LUZP2: variants seen among roughly 807,000 people sequenced by gnomAD.
The protein encoded by LUZP2 is leucine zipper protein 2.
LUZP2 carries 52 observed loss-of-function variants against 51.6 expected under a neutral mutation model. That is an observed-to-expected ratio of 1.01 (90% CI 0.81 to 1.27). The LOEUF (loss-of-function observed/expected upper bound fraction) is 1.27. Among genes scored for constraint, LUZP2 ranks in the 50% most tolerant of loss-of-function variants. LUZP2 has a pLI of 0.00. For missense variants in LUZP2, 436 were observed against 395.4 expected (o/e 1.10, Z -0.87); for synonymous variants, 154 against 137.3 (o/e 1.12, Z -0.85).
intron 1 of LUZP2, among the ~76,000 whole-genome samples, chr11:24,505,526 T>C (rs1383733114): frequency 6.6e-6 from 1 of 152,146 alleles, no homozygotes; most frequent in East Asian, 1.9e-4. Context: ...CAGCTCACTA[T>C]ATCGACAGTC....
Position 24,944,617 on chromosome 11 carries a change from G to A in LUZP2, c.522+30079G>A, listed in dbSNP as rs201017894. On this transcript the variant is annotated intron_variant, in intron 7 of 11. Coordinates refer to ENST00000336930, the MANE Select transcript of LUZP2 (RefSeq NM_001009909.4). Reference sequence around the variant, plus strand: ...GGTTACTTAAGAAATATTTTGAAGAGAAGTTGAGATTTGAACTCAAGATTG... The same window carrying A: ...GGTTACTTAAGAAATATTTTGAAGAAAAGTTGAGATTTGAACTCAAGATTG... 4.6e-5 allele frequency among the ~76,000 whole-genome samples: 7 copies of A among 152,248 alleles called. No individual in the cohort carries two copies. In the East Asian group the frequency reaches 9.6e-4, roughly 21 times the overall value.
chr11:24,589,189 A>T (rs1404311542), intron 1 of LUZP2, among the ~76,000 whole-genome samples: 1 of 151,992 alleles, frequency 6.6e-6, no homozygotes, highest in African/African-American at 2.4e-5. Flanking sequence ...TCTCTAATTG[A>T]TCACCAAAGA....
At chr11:24,821,473 C>G (rs571260301) in intron 5 of LUZP2, among the ~76,000 whole-genome samples, 1 of 152,058 alleles carries the variant, frequency 6.6e-6, no homozygotes, top group Non-Finnish European at 1.5e-5. Flanking sequence ...TTACCGACTT[C>G]ATTGTAGTTT....
At chr11:24,718,026 C>T (rs184894690) in intron 1 of LUZP2, among the ~76,000 whole-genome samples, 13 of 152,228 alleles carry the variant, frequency 8.5e-5, no homozygotes, top group Non-Finnish European at 1.3e-4. Context: ...ATAATTTATT[C>T]AAAAGCTATT....
chr11:24,603,444 A>G (rs1853811887), intron 1 of LUZP2, among the ~76,000 whole-genome samples: 1 of 151,820 alleles, frequency 6.6e-6, no homozygotes. Flanking sequence ...TTTGAATATC[A>G]TCCAAGTGAG....
At chr11:24,526,742 A>AT (rs895857943) in intron 1 of LUZP2, among the ~76,000 whole-genome samples, 6 of 150,882 alleles carry the variant, frequency 4.0e-5, no homozygotes, top group South Asian at 2.1e-4. Context: ...TATACTTTTC[A>AT]TTTTTTCTGT....
intron 7 of LUZP2, 111 bp downstream of exon 7, chr11:24,914,649 G>A: frequency 1.5e-6 from 1 of 682,882 alleles, no homozygotes. Flanking sequence ...AATTGGAGTT[G>A]CATTTGACTG....
chr11:24,824,393 A>AAAAAAAAAAAAAAAAAAAG (rs1590597274), intron 5 of LUZP2, among the ~76,000 whole-genome samples: 1 of 143,668 alleles, frequency 7.0e-6, no homozygotes. Flanking sequence ...AAAAAAAAAA[A>AAAAAAAAAAAAAAAAAAAG]TGAGTGGTAC....
chr11:24,907,567 T>A (rs1853497156), intron 6 of LUZP2, among the ~76,000 whole-genome samples: 1 of 152,164 alleles, frequency 6.6e-6, no homozygotes, highest in Non-Finnish European at 1.5e-5. Context: ...GGAAATAGTA[T>A]AAATGTGGTT....
chr11:24,907,337 A>G (rs1285377973), intron 6 of LUZP2, among the ~76,000 whole-genome samples: 4 of 151,894 alleles, frequency 2.6e-5, no homozygotes, highest in Non-Finnish European at 5.9e-5. Context: ...ATACAAAATA[A>G]CATGCAATGT....
chr11:24,590,994 C>G (rs1260051808), intron 1 of LUZP2, among the ~76,000 whole-genome samples: 1 of 152,082 alleles, frequency 6.6e-6, no homozygotes, highest in Non-Finnish European at 1.5e-5. Flanking sequence ...ACCTGTACTC[C>G]CAGTGCTTTG....
chr11:24,615,119 T>A (rs1219581252), intron 1 of LUZP2, among the ~76,000 whole-genome samples: 2 of 151,988 alleles, frequency 1.3e-5, no homozygotes, highest in Non-Finnish European at 2.9e-5. Context: ...TTTGAGGTAA[T>A]TGTAAATATA....
At chr11:24,776,268 G>A (rs1489381251) in intron 5 of LUZP2, among the ~76,000 whole-genome samples, 1 of 152,158 alleles carries the variant, frequency 6.6e-6, no homozygotes, top group African/African-American at 2.4e-5. Flanking sequence ...AGAAACAATA[G>A]CCTATGGAGA....
intron 9 of LUZP2, among the ~76,000 whole-genome samples, chr11:25,010,772 G>A (rs771158145): frequency 7.2e-5 from 11 of 152,030 alleles, no homozygotes; most frequent in Admixed American, 1.3e-4. Context: ...ACTTGAACTC[G>A]GGAAGGGGAG....
At chr11:24,643,487 T>C (rs73434975) in intron 1 of LUZP2, among the ~76,000 whole-genome samples, 1 of 152,152 alleles carries the variant, frequency 6.6e-6, no homozygotes, top group Non-Finnish European at 1.5e-5. Flanking sequence ...ACTTACCCCA[T>C]GTAACTATTG....
At chr11:25,076,833 G>A (rs1590903676) in intron 10 of LUZP2, among the ~76,000 whole-genome samples, 2 of 149,086 alleles carry the variant, frequency 1.3e-5, no homozygotes, top group African/African-American at 5.0e-5. Flanking sequence ...ATTCTGGCCA[G>A]TAAAATGACT....
chr11:24,863,603 G>A (rs371868495), intron 5 of LUZP2, among the ~76,000 whole-genome samples: 16 of 151,992 alleles, frequency 1.1e-4, no homozygotes, highest in South Asian at 4.2e-4. Context: ...GGGGGGAAGC[G>A]GTGATAGAAC....
chr11:24,978,128 G>A (rs1401267690), intron 8 of LUZP2, among the ~76,000 whole-genome samples: 1 of 151,558 alleles, frequency 6.6e-6, no homozygotes, highest in South Asian at 2.1e-4. Context: ...GTATAAAATA[G>A]AGGGGAGCTT....
chr11:24,996,880 G>A (rs1243451462), intron 9 of LUZP2, among the ~76,000 whole-genome samples: 3 of 150,996 alleles, frequency 2.0e-5, no homozygotes, highest in African/African-American at 7.3e-5. Context: ...TTGGTTTTTT[G>A]TTCTTGCGAT....
Sources: gnomAD v4.1 joint callset for allele counts (sites outside exome capture counted in the v4.1 genomes callset) on GRCh38, gnomAD v4.1.1 for gene constraint, MANE v1.5 for transcripts, NCBI Gene and HGNC (gene_info 2026-07-23, HGNC 2026-07-21) for gene names.